The following LARGE1 variants were observed in gnomAD, a reference collection of about 807,000 sequenced individuals.
LARGE1 encodes LARGE xylosyl- and glucuronyltransferase 1, also known as xylosyl- and glucuronyltransferase LARGE1.
In LARGE1, 43 loss-of-function variants were observed where a neutral mutation model predicts 87.6. The ratio of observed to expected loss-of-function variants is 0.49; its 90% CI spans 0.38 to 0.63. The LOEUF is 0.63. LARGE1 is among the 30% of genes least tolerant of loss of function. The probability of loss-of-function intolerance (pLI) is 0.00; values close to 1 mark genes in which losing one functional copy is unlikely to be tolerated. For synonymous variants in LARGE1, 434 were observed against 394.6 expected, an observed-to-expected ratio of 1.10 and a Z score of -1.18; for missense variants, 802 against 1,000.2, an observed-to-expected ratio of 0.80 and a Z score of 2.67.
In LARGE1 at chr22:33,920,173, G is replaced by A. The variant is rs935106900; in HGVS notation, c.-261C>T. ...CCCCCGGCTCCAAATGCCGCGGCGA[G>A]GGTCCGGGTCCCCCAAGCTGAGCAC... On this transcript the variant is annotated 5_prime_UTR_variant, in exon 1 of 15. Coordinates refer to ENST00000397394, the MANE Select transcript of LARGE1 (RefSeq NM_133642.5). 3.3e-5 allele frequency: 5 copies of A among 152,484 alleles called. No individual in the cohort carries two copies. The highest frequency in any genetic ancestry group is 1.2e-4 in the African/African-American group (5 of 41,438). The allele number at this position is 152,484 out of a possible 1,614,324, so 9.4% of individuals were successfully genotyped here.
chr22:33,502,550 T>C (rs905675931), intron 6 of LARGE1, among the ~76,000 whole-genome samples: 4 of 151,866 alleles, frequency 2.6e-5, no homozygotes, highest in Non-Finnish European at 5.9e-5. Context: ...CACCCACCTC[T>C]GCGTATCCTG....
intron 9 of LARGE1, among the ~76,000 whole-genome samples, chr22:33,360,629 C>T (rs1011692254): frequency 1.3e-5 from 2 of 149,650 alleles, no homozygotes; most frequent in Admixed American, 1.3e-4. Flanking sequence ...CAAGCACCTC[C>T]CAGCAGGCCC....
intron 5 of LARGE1, among the ~76,000 whole-genome samples, chr22:33,566,894 C>G (rs2078044142): frequency 6.6e-6 from 1 of 152,166 alleles, no homozygotes. Flanking sequence ...TTCTCCAAGT[C>G]CCCATTTGAC....
chr22:33,893,160 G>A (rs1047796404), intron 1 of LARGE1, among the ~76,000 whole-genome samples: 5 of 152,208 alleles, frequency 3.3e-5, no homozygotes, highest in South Asian at 4.1e-4. Context: ...AAAACTGGCA[G>A]AAGTGTCATT....
intron 11 of LARGE1, among the ~76,000 whole-genome samples, chr22:33,200,492 A>G (rs2146209509): frequency 6.6e-6 from 1 of 152,318 alleles, no homozygotes; most frequent in East Asian, 1.9e-4. Flanking sequence ...ACTCCTAGGC[A>G]TATACCCAAA....
At chr22:33,761,346 C>T (rs2084722446) in intron 2 of LARGE1, 25 bp downstream of exon 2, 5 of 1,558,524 alleles carry the variant, frequency 3.2e-6, no homozygotes, top group African/African-American at 1.4e-5. Flanking sequence ...CCCTCCTTCC[C>T]TCTCACTTTG....
rs1328016063 is a variant in LARGE1 at position 33,240,489 on chromosome 22, C to T, written c.1730+63740G>A. ...GCCTTGGCCAAAAATCAATTGACCACATACATGTGGGTGCATCTCCAGACT... is the reference window on the plus strand; with the variant it reads ...GCCTTGGCCAAAAATCAATTGACCATATACATGTGGGTGCATCTCCAGACT... On this transcript the variant is annotated intron_variant, in intron 11 of 11. Transcript: ENST00000608642. Among the ~76,000 whole-genome samples, 3 of 152,286 alleles carry T rather than the reference C, an allele frequency of 2.0e-5. 1 individual carries two copies. The highest frequency in any genetic ancestry group is 6.8e-3 in the Middle Eastern group (2 of 294).
At chr22:33,816,685 T>C (rs570454544) in intron 1 of LARGE1, among the ~76,000 whole-genome samples, 18 of 133,282 alleles carry the variant, frequency 1.4e-4, no homozygotes, top group African/African-American at 2.5e-4. Flanking sequence ...GATAGATAGA[T>C]AGATAGACAG....
chr22:33,788,819 C>CT (rs2085731774), intron 1 of LARGE1, among the ~76,000 whole-genome samples: 1 of 152,144 alleles, frequency 6.6e-6, no homozygotes, highest in African/African-American at 2.4e-5. Flanking sequence ...CAAGAGGTGA[C>CT]TTGGGTGCTG....
intron 1 of LARGE1, among the ~76,000 whole-genome samples, chr22:33,799,091 T>C (rs1220240750): frequency 1.3e-5 from 2 of 152,076 alleles, no homozygotes; most frequent in African/African-American, 4.8e-5. Context: ...GGAGTTTCTT[T>C]TTCTCCAGGA....
chr22:33,148,449 T>C, the LARGE1 span, among the ~76,000 whole-genome samples: 1 of 152,236 alleles, frequency 6.6e-6, no homozygotes, highest in African/African-American at 2.4e-5. Flanking sequence ...TGCATGAATA[T>C]GCCACAGTTT....
intron 1 of LARGE1, among the ~76,000 whole-genome samples, chr22:33,904,792 C>T (rs781062456): frequency 1.3e-5 from 2 of 152,114 alleles, no homozygotes; most frequent in African/African-American, 2.4e-5. Context: ...CTGGCATACA[C>T]GATCACATGA....
intron 9 of LARGE1, among the ~76,000 whole-genome samples, chr22:33,372,119 A>G (rs1251681232): frequency 6.6e-6 from 1 of 152,168 alleles, no homozygotes; most frequent in African/African-American, 2.4e-5. Flanking sequence ...ACACTCATCA[A>G]ATGTCTGGGT....
intron 11 of LARGE1, among the ~76,000 whole-genome samples, chr22:33,228,465 A>T (rs1156534481): frequency 1.3e-5 from 2 of 152,168 alleles, no homozygotes; most frequent in Non-Finnish European, 2.9e-5. Flanking sequence ...AACCCTGCAA[A>T]CTCTTTCAAA....
At chr22:33,152,675 G>A in the LARGE1 span, among the ~76,000 whole-genome samples, 1 of 152,088 alleles carries the variant, frequency 6.6e-6, no homozygotes, top group African/African-American at 2.4e-5. Flanking sequence ...TGCAATGCAT[G>A]ATAATCGCAG....
At chr22:33,226,764 C>G (rs1043841063) in intron 11 of LARGE1, among the ~76,000 whole-genome samples, 1 of 151,040 alleles carries the variant, frequency 6.6e-6, no homozygotes, top group African/African-American at 2.4e-5. Flanking sequence ...GAGTCCCGCT[C>G]TTTAGCCCAG....
intron 1 of LARGE1, among the ~76,000 whole-genome samples, chr22:33,831,672 A>G (rs775935001): frequency 1.3e-5 from 2 of 152,128 alleles, no homozygotes; most frequent in Non-Finnish European, 2.9e-5. Context: ...CAGTTTGCAA[A>G]CTCAGACATA....
chr22:33,531,940 C>CTGCAAGGTGGGGAT (rs1195542705), intron 6 of LARGE1, among the ~76,000 whole-genome samples: 22 of 152,354 alleles, frequency 1.4e-4, no homozygotes, highest in Admixed American at 1.4e-3. Flanking sequence ...CACTGCATGC[C>CTGCAAGGTGGGGAT]TGCAAGGTGG....
chr22:33,184,591 A>T (rs183724691), intron 11 of LARGE1, among the ~76,000 whole-genome samples: 20 of 151,972 alleles, frequency 1.3e-4, no homozygotes, highest in Admixed American at 1.1e-3. Context: ...TAGGAAGTCT[A>T]CCAGAAATCA....
Sources: allele counts gnomAD v4.1 joint callset (sites outside exome capture counted in the v4.1 genomes callset), GRCh38; gene constraint gnomAD v4.1.1; transcripts MANE v1.5; gene names NCBI Gene and HGNC (gene_info 2026-07-23, HGNC 2026-07-21).